Variants in CLVS1 observed in about 807,000 individuals in gnomAD.
CLVS1 encodes clavesin 1.
A neutral mutation model predicts 33.1 loss-of-function variants in CLVS1; 10 were observed. The observed-to-expected ratio is 0.30, with a 90% CI of 0.19 to 0.51. The LOEUF (loss-of-function observed/expected upper bound fraction) is 0.51, where lower values mean the gene tolerates loss of function less well. CLVS1 is among the 20% of genes least tolerant of loss of function. The pLI is 0.97. For synonymous variants in CLVS1, 163 were observed against 166.1 expected, an observed-to-expected ratio of 0.98 and a Z score of 0.14; for missense variants, 343 against 433.4, an observed-to-expected ratio of 0.79 and a Z score of 1.85.
At chr8:61,199,773 CA>C (rs1173193793) in intron 2 of CLVS1, among the ~76,000 whole-genome samples, 6 of 152,202 alleles carry the variant, frequency 3.9e-5, no homozygotes, top group Admixed American at 6.5e-5. Context: ...TGCTCATTCC[CA>C]AAGGGGCTTT....
intron 2 of CLVS1, among the ~76,000 whole-genome samples, chr8:61,178,777 T>G (rs1807170038): frequency 6.6e-6 from 1 of 152,130 alleles, no homozygotes; most frequent in African/African-American, 2.4e-5. Context: ...ATAAAATCCT[T>G]TCCAGACAAG....
At position 61,465,434 on chromosome 8, in the gene CLVS1, T is replaced by C. The variant is rs938888449; in HGVS notation, c.977+6892T>C. On this transcript the variant is annotated intron_variant, in intron 5 of 5. Coordinates refer to ENST00000325897, the MANE Select transcript of CLVS1 (RefSeq NM_173519.3). ...ACTCTCAGTGAATGACTGGTTCTAATGAGCTCTTGTTTTTTTTCTTTGGAT... is the reference window on the plus strand; with the variant it reads ...ACTCTCAGTGAATGACTGGTTCTAACGAGCTCTTGTTTTTTTTCTTTGGAT... 11 of 152,218 alleles carry C rather than the reference T, an allele frequency of 7.2e-5. No individual in the cohort carries two copies. The East Asian group carries it at 2.1e-3, about 29-fold the overall frequency. The allele number at this position is 152,218 out of a possible 1,614,324, so 9.4% of individuals were successfully genotyped here. A position where few individuals can be genotyped will look rare whatever the true frequency, so the allele number is the denominator to read the frequency against.
chr8:61,175,991 A>G (rs184346102), intron 2 of CLVS1, among the ~76,000 whole-genome samples: 1 of 152,254 alleles, frequency 6.6e-6, no homozygotes, highest in Admixed American at 6.5e-5. Context: ...TGACTTGCCA[A>G]CTTTCTCCAG....
Position 61,322,085 on chromosome 8 carries a change from C to T in CLVS1, c.455+21803C>T, listed in dbSNP as rs192922547. ...AAATTCCCAGAAGGAGAATAGAGAT[C>T]TTTGTATGTTCTGTTCCCTGATATA... On this transcript the variant is annotated intron_variant, in intron 2 of 5. Transcript: ENST00000325897. 2.8e-3 allele frequency among the ~76,000 whole-genome samples: 422 copies of T among 152,280 alleles called. 2 individuals carry two copies. Among genetic ancestry groups the T allele is most frequent in the Non-Finnish European group, 4.7e-3 (319 of 68,018 alleles).
intron 2 of CLVS1, among the ~76,000 whole-genome samples, chr8:61,183,332 A>T (rs932590603): frequency 6.6e-6 from 1 of 152,204 alleles, no homozygotes; most frequent in Admixed American, 6.5e-5. Flanking sequence ...ATAAAAATTT[A>T]AAAAAGTAAG....
At chr8:61,055,894 C>T (rs1804466014), upstream of CLVS1, among the ~76,000 whole-genome samples, 1 of 152,234 alleles carries the variant, frequency 6.6e-6, no homozygotes, top group African/African-American at 2.4e-5. Flanking sequence ...TGATATGGTT[C>T]AGAGGCCTGG....
At chr8:61,056,281 C>T (rs534845269), upstream of CLVS1, among the ~76,000 whole-genome samples, 44 of 152,290 alleles carry the variant, frequency 2.9e-4, no homozygotes, top group South Asian at 3.9e-3. Context: ...TCCCAAAAAA[C>T]GGAGTAAATT....
intron 2 of CLVS1, among the ~76,000 whole-genome samples, chr8:61,204,306 G>T (rs1009988665): frequency 6.6e-6 from 1 of 152,142 alleles, no homozygotes; most frequent in Non-Finnish European, 1.5e-5. Context: ...ATGTTCTTGG[G>T]CAAAGATTGA....
chr8:61,248,325 A>G (rs1269391506), intron 2 of CLVS1, among the ~76,000 whole-genome samples: 2 of 152,162 alleles, frequency 1.3e-5, no homozygotes, highest in Non-Finnish European at 2.9e-5. Flanking sequence ...TCTGTGAAGA[A>G]TGTCACTGGT....
chr8:61,162,176 A>G (rs1239772623), intron 2 of CLVS1, among the ~76,000 whole-genome samples: 1 of 152,184 alleles, frequency 6.6e-6, no homozygotes, highest in Non-Finnish European at 1.5e-5. Flanking sequence ...ACTACCCTTC[A>G]AAATTGCCTA....
chr8:61,457,599 A>T (rs1447341133), intron 4 of CLVS1, among the ~76,000 whole-genome samples: 1 of 152,072 alleles, frequency 6.6e-6, no homozygotes, highest in Non-Finnish European at 1.5e-5. Flanking sequence ...ATAACTTCTC[A>T]GGCTGTGGTT....
At chr8:61,073,808 C>T (rs113818329) in intron 1 of CLVS1, among the ~76,000 whole-genome samples, 6,029 of 148,956 alleles carry the variant, frequency 0.04, 409 homozygotes, top group African/African-American at 0.14. Flanking sequence ...GTCAGGAGAT[C>T]GAGACCATCC....
chr8:61,018,290 T>C, the CLVS1 span, among the ~76,000 whole-genome samples: 1 of 152,246 alleles, frequency 6.6e-6, no homozygotes, highest in African/African-American at 2.4e-5. Context: ...TCCTCCTTAC[T>C]GTCGCTTATA....
At chr8:61,075,848 T>C (rs1804900621) in intron 1 of CLVS1, among the ~76,000 whole-genome samples, 1 of 152,206 alleles carries the variant, frequency 6.6e-6, no homozygotes, top group Non-Finnish European at 1.5e-5. Flanking sequence ...ACACATCCTA[T>C]CCAGCCTCCT....
chr8:61,473,736 T>C (rs567597424), intron 5 of CLVS1, among the ~76,000 whole-genome samples: 1 of 152,326 alleles, frequency 6.6e-6, no homozygotes, highest in East Asian at 1.9e-4. Context: ...ATCAAGTGGA[T>C]ATTGGGATGA....
At chr8:61,297,029 A>C (rs1313620728) in intron 1 of CLVS1, among the ~76,000 whole-genome samples, 1 of 152,178 alleles carries the variant, frequency 6.6e-6, no homozygotes, top group African/African-American at 2.4e-5. Flanking sequence ...CTGAAGGGCA[A>C]AGAGGAGTCA....
chr8:61,102,161 G>A (rs1215342968), intron 1 of CLVS1, among the ~76,000 whole-genome samples: 2 of 152,136 alleles, frequency 1.3e-5, no homozygotes, highest in South Asian at 2.1e-4. Flanking sequence ...GCTGGAGATT[G>A]CGTTAAATCT....
At chr8:61,097,214 C>T (rs1485778990) in intron 1 of CLVS1, among the ~76,000 whole-genome samples, 1 of 151,766 alleles carries the variant, frequency 6.6e-6, no homozygotes, top group Admixed American at 6.6e-5. Flanking sequence ...AAATAAATAA[C>T]CCAGGAGGCA....
At chr8:61,462,073 C>CAG (rs1817387487) in intron 5 of CLVS1, among the ~76,000 whole-genome samples, 1 of 152,174 alleles carries the variant, frequency 6.6e-6, no homozygotes, top group African/African-American at 2.4e-5. Context: ...AAGGCTGATG[C>CAG]AGAGACTTAG....
Sources: allele counts gnomAD v4.1 joint callset (sites outside exome capture counted in the v4.1 genomes callset), GRCh38; gene constraint gnomAD v4.1.1; transcripts MANE v1.5; gene names NCBI Gene and HGNC (gene_info 2026-07-23, HGNC 2026-07-21).